The following OPCML variants were observed in gnomAD, a reference collection of about 807,000 sequenced individuals.
The protein encoded by OPCML is opioid binding protein/cell adhesion molecule like, also known as opioid-binding protein/cell adhesion molecule.
OPCML carries 13 observed loss-of-function variants against 37.8 expected under a neutral mutation model. The ratio of observed to expected loss-of-function variants is 0.34; its 90% CI spans 0.22 to 0.55. The LOEUF (loss-of-function observed/expected upper bound fraction) is 0.55, where lower values mean the gene tolerates loss of function less well. OPCML is among the 20% of genes least tolerant of loss of function. The pLI is 0.91. For synonymous variants in OPCML, 176 were observed against 168.8 expected, an observed-to-expected ratio of 1.04 and a Z score of -0.33; for missense variants, 341 against 435.6, an observed-to-expected ratio of 0.78 and a Z score of 1.93.
intron 1 of OPCML, among the ~76,000 whole-genome samples, chr11:133,495,209 T>C (rs1218000543): frequency 6.6e-6 from 1 of 152,234 alleles, no homozygotes; most frequent in African/African-American, 2.4e-5. Flanking sequence ...TCCAGTCTCA[T>C]TCAGGTCACT....
intron 1 of OPCML, among the ~76,000 whole-genome samples, chr11:133,460,846 G>T (rs921808370): frequency 2.0e-5 from 3 of 151,770 alleles, no homozygotes; most frequent in African/African-American, 7.2e-5. Context: ...TAGCAAATAG[G>T]ATTCAACAGC....
chr11:132,837,413 A>G lies in OPCML; in HGVS notation c.146+105513T>C, dbSNP rs183132614. On this transcript the variant is annotated intron_variant, in intron 2 of 7. Coordinates refer to ENST00000524381, the MANE Select transcript of OPCML (RefSeq NM_001012393.5). ...CAGTGGCCTTCTACTTCCTTCACTT[A>G]TCCATGGACCCATTGTGTCATGTTT... Among the ~76,000 whole-genome samples the G allele has an allele frequency of 2.6e-4, 39 of 152,304 alleles. No homozygotes were observed. In the East Asian group the frequency reaches 7.3e-3, roughly 29 times the overall value.
At chr11:133,526,574 C>T (rs1025728525) in intron 1 of OPCML, among the ~76,000 whole-genome samples, 12 of 152,170 alleles carry the variant, frequency 7.9e-5, no homozygotes, top group African/African-American at 1.7e-4. Flanking sequence ...TTTCTTTTGG[C>T]TCCCTTCTCA....
Position 132,552,952 on chromosome 11 carries a change from T to C in OPCML, c.380-23766A>G, listed in dbSNP as rs191273504. On this transcript the variant is annotated intron_variant, in intron 3 of 7. Transcript: ENST00000524381. ...GGCTAATTTTTGTATTTTTAGTAGA[T>C]ACGGTGTTTCACAGTGTTAGCCAGG... Among the ~76,000 whole-genome samples, 368 of 151,938 alleles carry C rather than the reference T, an allele frequency of 2.4e-3. 3 individuals carry two copies. Among genetic ancestry groups the C allele is most frequent in the East Asian group, 0.018 (93 of 5,140 alleles).
chr11:133,382,134 T>C (rs1027406714), intron 1 of OPCML, among the ~76,000 whole-genome samples: 1 of 152,234 alleles, frequency 6.6e-6, no homozygotes, highest in African/African-American at 2.4e-5. Context: ...GGTGGTGTTA[T>C]TGCTTTTGAC....
intron 1 of OPCML, among the ~76,000 whole-genome samples, chr11:133,456,331 C>T (rs963180878): frequency 1.1e-4 from 17 of 152,068 alleles, no homozygotes; most frequent in Admixed American, 3.9e-4. Flanking sequence ...CTTTAAAAGA[C>T]CTCAGAATAT....
At chr11:132,519,608 C>T (rs1311571863) in intron 4 of OPCML, among the ~76,000 whole-genome samples, 3 of 152,084 alleles carry the variant, frequency 2.0e-5, no homozygotes, top group African/African-American at 7.2e-5. Context: ...ACCCATATGG[C>T]GAAAAGCACA....
At chr11:132,872,914 CTTCT>C (rs919900270) in intron 2 of OPCML, among the ~76,000 whole-genome samples, 9 of 151,676 alleles carry the variant, frequency 5.9e-5, no homozygotes, top group African/African-American at 4.9e-5. Context: ...TCAAGAAGGC[CTTCT>C]TTCTTTCTTT....
Position 132,662,051 on chromosome 11 carries a change from G to A in OPCML, c.147-4732C>T, listed in dbSNP as rs139873362. Among the ~76,000 whole-genome samples the A allele has an allele frequency of 2.1e-3, 317 of 152,320 alleles. 3 individuals are homozygous for A. The highest frequency in any genetic ancestry group is 7.1e-3 in the African/African-American group (293 of 41,554). ...GCAGAGATGTTTCTGAATATGTACC[G>A]TGGGGTTAAGATTCAGGGTCGTTTT... is the stretch of plus-strand genomic sequence containing the variant. On this transcript the variant is annotated intron_variant, in intron 2 of 7. Transcript: ENST00000524381.
intron 1 of OPCML, chr11:133,008,298 T>C (rs1947151279): frequency 1.0e-6 from 1 of 985,374 alleles, no homozygotes; most frequent in Non-Finnish European, 1.2e-6. Context: ...TTGTGGTGCA[T>C]AACTACTGCC....
chr11:132,578,293 C>T (rs781562559), intron 3 of OPCML, among the ~76,000 whole-genome samples: 1 of 152,122 alleles, frequency 6.6e-6, no homozygotes, highest in Admixed American at 6.5e-5. Flanking sequence ...AGTCCTCAAC[C>T]AATGCTTTGA....
At chr11:132,688,565 A>G (rs1014215942) in intron 2 of OPCML, among the ~76,000 whole-genome samples, 4 of 152,190 alleles carry the variant, frequency 2.6e-5, no homozygotes, top group Non-Finnish European at 5.9e-5. Context: ...TAGTATATTC[A>G]ATGCAGCCTG....
intron 1 of OPCML, among the ~76,000 whole-genome samples, chr11:133,225,859 C>T (rs914412122): frequency 3.3e-5 from 5 of 152,196 alleles, no homozygotes; most frequent in South Asian, 2.1e-4. Context: ...GGAAACAACA[C>T]GTAGTAACTA....
intron 1 of OPCML, among the ~76,000 whole-genome samples, chr11:133,187,969 C>T (rs535956): frequency 0.47 from 70,649 of 151,506 alleles, 17,180 homozygotes; most frequent in African/African-American, 0.59. Context: ...ACTCCTGGTG[C>T]GTGATGCTGT....
In OPCML at chr11:133,208,509, G is replaced by A. The variant is rs1348680543; in HGVS notation, c.62-265499C>T. Among the ~76,000 whole-genome samples, 3 of 152,204 alleles carry A rather than the reference G, an allele frequency of 2.0e-5. No individual in the cohort carries two copies. The highest frequency in any genetic ancestry group is 7.2e-5 in the African/African-American group (3 of 41,454). ...ATAGATTTGGATAATAAAGTGCAATGAAGTATGTCAGTAGGGCATCGTAAA... is the reference window on the plus strand; with the variant it reads ...ATAGATTTGGATAATAAAGTGCAATAAAGTATGTCAGTAGGGCATCGTAAA... On this transcript the variant is annotated intron_variant, in intron 1 of 7. Transcript: ENST00000524381. This position sits in a 1 kb window ranked among gnomAD's most constrained non-coding sequence, Gnocchi z 8.9.
intron 2 of OPCML, among the ~76,000 whole-genome samples, chr11:132,755,220 G>C (rs942771113): frequency 6.6e-6 from 1 of 151,962 alleles, no homozygotes; most frequent in African/African-American, 2.4e-5. Context: ...TGCCATATTT[G>C]CTTCATCTTT....
intron 3 of OPCML, among the ~76,000 whole-genome samples, chr11:132,626,950 T>C (rs1286572869): frequency 6.6e-6 from 1 of 150,610 alleles, no homozygotes; most frequent in African/African-American, 2.4e-5. Context: ...AAAAAATCAT[T>C]TTTCCTGATA....
chr11:132,815,542 C>T lies in OPCML; in HGVS notation c.146+127384G>A, dbSNP rs188105530. Among the ~76,000 whole-genome samples the T allele has an allele frequency of 1.5e-4, 23 of 152,182 alleles. No homozygotes were observed. In the East Asian group the frequency reaches 4.4e-3, roughly 29 times the overall value. On this transcript the variant is annotated intron_variant, in intron 2 of 7. Transcript: ENST00000524381. ...TTCCTGTCTACCTTAGATTATTTTC[C>T]CCCAAAATACTTTATGCCCTTTCAT...
intron 2 of OPCML, among the ~76,000 whole-genome samples, chr11:132,884,921 T>C (rs1943353704): frequency 6.6e-6 from 1 of 152,148 alleles, no homozygotes; most frequent in Non-Finnish European, 1.5e-5. Context: ...AAAGCCTTAG[T>C]TACATAGAGG....
Sources: gnomAD v4.1 joint callset for allele counts (sites outside exome capture counted in the v4.1 genomes callset) on GRCh38, gnomAD v4.1.1 for gene constraint, Gnocchi (gnomAD v3.1) non-coding constraint, MANE v1.5 for transcripts, NCBI Gene and HGNC (gene_info 2026-07-23, HGNC 2026-07-21) for gene names.